Variants in DPYD observed in about 807,000 individuals in gnomAD.
DPYD encodes the protein dihydropyrimidine dehydrogenase.
Under a neutral mutation model 116.2 loss-of-function variants are expected in DPYD, and 109 were observed. The observed-to-expected ratio is 0.94, with a 90% CI of 0.80 to 1.10. The LOEUF (loss-of-function observed/expected upper bound fraction) is 1.10. Among genes scored for constraint, DPYD ranks in the 50% least tolerant of loss-of-function variants. DPYD has a pLI of 0.00. For missense variants in DPYD, 1,302 were observed against 1,254.5 expected (o/e 1.04, Z -0.57); for synonymous variants, 440 against 432.0 (o/e 1.02, Z -0.23).
At chr1:97,771,905 T>C (rs1221857326) in intron 3 of DPYD, among the ~76,000 whole-genome samples, 1 of 152,142 alleles carries the variant, frequency 6.6e-6, no homozygotes, top group Non-Finnish European at 1.5e-5. Flanking sequence ...TAAAATATTA[T>C]CTGCTACATG....
intron 20 of DPYD, among the ~76,000 whole-genome samples, chr1:97,113,988 G>A (rs769764112): frequency 1.3e-5 from 2 of 151,966 alleles, no homozygotes; most frequent in Non-Finnish European, 2.9e-5. Context: ...ATTGTTAGTA[G>A]CCATAATACA....
chr1:97,150,568 C>T (rs1023100607), intron 20 of DPYD, among the ~76,000 whole-genome samples: 26 of 152,210 alleles, frequency 1.7e-4, no homozygotes, highest in African/African-American at 2.4e-5. Flanking sequence ...GCACTGGGCT[C>T]TCTCTGGGTT....
At chr1:97,487,460 T>C (rs1570817525) in intron 13 of DPYD, among the ~76,000 whole-genome samples, 2 of 151,938 alleles carry the variant, frequency 1.3e-5, no homozygotes, top group South Asian at 4.2e-4. Context: ...GATCACGAGG[T>C]CAGGAGATCG....
intron 1 of DPYD, among the ~76,000 whole-genome samples, chr1:97,890,909 C>T (rs1571539198): frequency 1.3e-5 from 2 of 151,878 alleles, no homozygotes; most frequent in Admixed American, 1.3e-4. Flanking sequence ...ACTTTTCTTT[C>T]ACATAGCATA....
At position 97,193,145 on chromosome 1, in the gene DPYD, C is replaced by T; in HGVS notation, c.2546G>A (p.Trp849Ter). ...YLKSIEELQD[W>*]DGQSPATVSH... The stretch of plus-strand genomic sequence containing the variant: ...CACAGTAGCTGGACTCTGTCCATCC[C>T]AGTCTTGTAGTTCTTCAATGCTTTT... Residue 849 changes from tryptophan to a stop codon, truncating the protein, a stop_gained, in exon 20 of 23, where the codon TGG (tryptophan) becomes TAG (stop). Transcript: ENST00000370192. LOFTEE classifies it high-confidence loss of function. The T allele has an allele frequency of 6.2e-7, 1 of 1,614,044 alleles. No homozygotes were observed. The highest frequency in any genetic ancestry group is 1.3e-5 in the African/African-American group (1 of 75,048).
rs115560225 is a variant in DPYD, at chr1:97,538,308, T to A, written c.1524+11252A>T. On this transcript the variant is annotated intron_variant, in intron 12 of 22. Transcript: ENST00000370192. ...ATTTGTACTCACTCTACTGCAGGTC[T>A]ATGGCATGAATTTGTCTCCACTAGG... 1.3e-3 allele frequency among the ~76,000 whole-genome samples: 199 copies of A among 152,326 alleles called. 1 individual carries two copies. Among genetic ancestry groups the A allele is most frequent in the Non-Finnish European group, 2.3e-3 (154 of 68,034 alleles).
intron 3 of DPYD, among the ~76,000 whole-genome samples, chr1:97,789,611 G>GT (rs773599017): frequency 3.0e-4 from 45 of 152,090 alleles, no homozygotes; most frequent in Non-Finnish European, 1.0e-4. Context: ...AAATAGCCTT[G>GT]TTTTTTCTGT....
At chr1:97,808,043 G>A (rs1034507144) in intron 3 of DPYD, among the ~76,000 whole-genome samples, 2 of 152,044 alleles carry the variant, frequency 1.3e-5, no homozygotes, top group Admixed American at 1.3e-4. Context: ...TTAAATTTGG[G>A]TACTGTCAAT....
intron 19 of DPYD, among the ~76,000 whole-genome samples, chr1:97,198,831 C>T (rs776232446): frequency 9.9e-5 from 15 of 152,190 alleles, no homozygotes; most frequent in Middle Eastern, 6.8e-3. Flanking sequence ...GTGAATATCC[C>T]TATAGTGAGC....
At chr1:97,531,955 ATGT>A (rs1649657968) in intron 12 of DPYD, among the ~76,000 whole-genome samples, 1 of 151,966 alleles carries the variant, frequency 6.6e-6, no homozygotes, top group Admixed American at 6.6e-5. Flanking sequence ...TGCTTTTTGT[ATGT>A]TGATTTGAAT....
chr1:97,848,521 G>A (rs1670418153), intron 2 of DPYD, among the ~76,000 whole-genome samples: 1 of 152,188 alleles, frequency 6.6e-6, no homozygotes, highest in Admixed American at 6.5e-5. Flanking sequence ...TCAGGAAGTT[G>A]GACTGTGAAA....
chr1:97,093,983 A>G (rs1650059116), intron 21 of DPYD, among the ~76,000 whole-genome samples: 1 of 152,018 alleles, frequency 6.6e-6, no homozygotes, highest in South Asian at 2.1e-4. Context: ...ATATGCAAGC[A>G]TATGCAAGCC....
chr1:97,233,688 T>A (rs2100744136), intron 19 of DPYD, among the ~76,000 whole-genome samples: 1 of 152,176 alleles, frequency 6.6e-6, no homozygotes, highest in South Asian at 2.1e-4. Context: ...CTTCTTTGGC[T>A]CCAAGTGTGA....
chr1:97,484,626 A>G (rs962587493), intron 13 of DPYD, among the ~76,000 whole-genome samples: 1 of 152,122 alleles, frequency 6.6e-6, no homozygotes, highest in African/African-American at 2.4e-5. Flanking sequence ...ACTGTTTTAA[A>G]GGTATGGAGC....
chr1:97,541,348 TA>T (rs1468603007), intron 12 of DPYD, among the ~76,000 whole-genome samples: 1 of 152,220 alleles, frequency 6.6e-6, no homozygotes, highest in Non-Finnish European at 1.5e-5. Context: ...AAAAATGAGT[TA>T]CTTAAAAAAT....
chr1:97,161,288 T>A (rs1374852162), intron 20 of DPYD, among the ~76,000 whole-genome samples: 3 of 152,168 alleles, frequency 2.0e-5, no homozygotes, highest in African/African-American at 4.8e-5. Flanking sequence ...TGTTTTCATT[T>A]TTAATGTTAA....
chr1:97,328,910 A>T (rs1668842103), intron 16 of DPYD, among the ~76,000 whole-genome samples: 1 of 152,134 alleles, frequency 6.6e-6, no homozygotes, highest in African/African-American at 2.4e-5. Context: ...TTCAAGTTGG[A>T]CTTATTTGTA....
intron 13 of DPYD, among the ~76,000 whole-genome samples, chr1:97,497,789 A>G (rs943799828): frequency 6.6e-6 from 1 of 151,774 alleles, no homozygotes; most frequent in Non-Finnish European, 1.5e-5. Context: ...AAAAAGTTAA[A>G]AATAGAGTTA....
intron 14 of DPYD, among the ~76,000 whole-genome samples, chr1:97,414,695 C>T (rs1674194157): frequency 6.6e-6 from 1 of 152,218 alleles, no homozygotes; most frequent in East Asian, 1.9e-4. Flanking sequence ...TTGTATTCTT[C>T]ACTGAATATG....
Sources: allele counts gnomAD v4.1 joint callset (sites outside exome capture counted in the v4.1 genomes callset), GRCh38; gene constraint gnomAD v4.1.1; transcripts MANE v1.5; gene names NCBI Gene and HGNC (gene_info 2026-07-23, HGNC 2026-07-21).